Variants in NCALD observed in about 807,000 individuals in gnomAD.
The protein encoded by NCALD is neurocalcin-delta.
A neutral mutation model predicts 18.6 loss-of-function variants in NCALD; 10 were observed. That is an observed-to-expected ratio of 0.54 (90% confidence interval 0.33 to 0.91). The LOEUF is 0.91. NCALD is among the 40% of genes least tolerant of loss of function. The pLI is 0.03. For synonymous variants in NCALD, 88 were observed against 87.4 expected (o/e 1.01, Z -0.04); for missense variants, 184 against 247.6 (o/e 0.74, Z 1.72).
rs546329806 is a variant in NCALD, at chr8:101,950,651, C to T, written c.-156-34793G>A. 2.0e-5 allele frequency among the ~76,000 whole-genome samples: 3 copies of T among 152,306 alleles called. No homozygotes were observed. The South Asian group carries it at 6.2e-4, about 32-fold the overall frequency. On this transcript the variant is annotated intron_variant, in intron 2 of 6. Transcript: ENST00000311028. ...TGTGGGCAGAGTACAGTGAACAAAG[C>T]CTGAGCTTGGGCTATAAAAGACATT...
intron 4 of NCALD, among the ~76,000 whole-genome samples, chr8:101,879,803 C>T (rs1467743870): frequency 2.0e-5 from 3 of 152,174 alleles, no homozygotes; most frequent in Non-Finnish European, 4.4e-5. Context: ...CTGATTGGTG[C>T]ATTCACAAAC....
intron 3 of NCALD, among the ~76,000 whole-genome samples, chr8:101,690,106 C>T (rs1385391473): frequency 6.6e-6 from 1 of 151,946 alleles, no homozygotes; most frequent in Non-Finnish European, 1.5e-5. Flanking sequence ...GCAGCCTGGG[C>T]TCCCACTCCG....
At chr8:101,946,630 C>T (rs1210850402) in intron 2 of NCALD, among the ~76,000 whole-genome samples, 1 of 151,886 alleles carries the variant, frequency 6.6e-6, no homozygotes, top group Non-Finnish European at 1.5e-5. Context: ...CAAGAACAAA[C>T]ATCAAATTTA....
At chr8:101,738,922 T>A (rs1173261701) in intron 1 of NCALD, among the ~76,000 whole-genome samples, 1 of 152,166 alleles carries the variant, frequency 6.6e-6, no homozygotes, top group Non-Finnish European at 1.5e-5. Context: ...TGACTCTATG[T>A]CCTTCTATTT....
At chr8:101,701,363 C>T (rs1815258007) in intron 2 of NCALD, among the ~76,000 whole-genome samples, 1 of 152,122 alleles carries the variant, frequency 6.6e-6, no homozygotes, top group Non-Finnish European at 1.5e-5. Context: ...TTAGCAATGT[C>T]AATGAGAGGT....
At chr8:101,985,298 T>A (rs1025382112) in intron 2 of NCALD, among the ~76,000 whole-genome samples, 1 of 151,866 alleles carries the variant, frequency 6.6e-6, no homozygotes, top group African/African-American at 2.4e-5. Flanking sequence ...CAGCCTCCAC[T>A]CGACCCACCC....
intron 4 of NCALD, among the ~76,000 whole-genome samples, chr8:101,853,683 G>C (rs151122501): frequency 1.3e-5 from 2 of 152,278 alleles, no homozygotes; most frequent in South Asian, 4.2e-4. Flanking sequence ...AGGCCGGGGT[G>C]GGGGAGTCCA....
chr8:102,042,489 T>C (rs118181472), intron 1 of NCALD, among the ~76,000 whole-genome samples: 1 of 151,882 alleles, frequency 6.6e-6, no homozygotes, highest in Non-Finnish European at 1.5e-5. Context: ...GCTTCTGACA[T>C]GAGCTCAAGG....
At position 101,689,197 on chromosome 8, in the gene NCALD, A is replaced by G. The variant is rs1814594934; in HGVS notation, c.*112T>C. The G allele has an allele frequency of 2.0e-6, 2 of 976,322 alleles. No individual in the cohort carries two copies. The highest frequency in any genetic ancestry group is 1.6e-6 in the Non-Finnish European group (1 of 630,140). The allele number at this position is 976,322 out of a possible 1,614,324, so 60.5% of individuals were successfully genotyped here. A position where few individuals can be genotyped will look rare whatever the true frequency, so the allele number is the denominator to read the frequency against. On this transcript the variant is annotated 3_prime_UTR_variant, in exon 4 of 4. Transcript: ENST00000220931. The surrounding 1 kb of genome is among the most constrained non-coding windows in gnomAD (Gnocchi z 4.4). ...CGGAGGAAGGCGCATCAGACCGCAC[A>G]GGGGACGGCATCACCATTGATATTG...
In NCALD at chr8:101,687,559, A is replaced by T. The variant is rs1447852450; in HGVS notation, c.*1750T>A. On this transcript the variant is annotated 3_prime_UTR_variant, in exon 4 of 4. Transcript: ENST00000220931. ...GGATTTCTGCTGCCAATTACAGCAG[A>T]CTCAAGTCATATATAAAAACCTGGA... The T allele has an allele frequency of 6.6e-6, 1 of 152,380 alleles. No individual in the cohort carries two copies. The highest frequency in any genetic ancestry group is 2.4e-5 in the African/African-American group (1 of 41,406). 9.4% of individuals were successfully genotyped at this position (152,380 alleles called of 1,614,324 possible). A position where few individuals can be genotyped will look rare whatever the true frequency, so the allele number is the denominator to read the frequency against.
intron 2 of NCALD, among the ~76,000 whole-genome samples, chr8:101,716,333 A>G (rs2130398195): frequency 6.6e-6 from 1 of 152,006 alleles, no homozygotes; most frequent in South Asian, 2.1e-4. Flanking sequence ...GTGGTGGGCA[A>G]GGGGAGGGAT....
At chr8:102,002,104 C>T (rs1821496980) in intron 2 of NCALD, among the ~76,000 whole-genome samples, 1 of 152,058 alleles carries the variant, frequency 6.6e-6, no homozygotes, top group Admixed American at 6.6e-5. Context: ...GAGTCAAGAC[C>T]CATCAGTGTG....
chr8:101,843,579 A>ATTTTTTTTTT (rs1554644288), intron 4 of NCALD, among the ~76,000 whole-genome samples: 89 of 101,116 alleles, frequency 8.8e-4, no homozygotes, highest in African/African-American at 1.7e-3. Flanking sequence ...ATCTTTAAAA[A>ATTTTTTTTTT]TTGTTTTTTT....
chr8:101,904,767 A>G (rs779961900), intron 3 of NCALD, among the ~76,000 whole-genome samples: 2 of 152,150 alleles, frequency 1.3e-5, no homozygotes, highest in Non-Finnish European at 2.9e-5. Context: ...GCTTCCTGCA[A>G]GGTGCCTACT....
At chr8:101,851,902 G>A (rs1043220179) in intron 4 of NCALD, among the ~76,000 whole-genome samples, 3 of 152,124 alleles carry the variant, frequency 2.0e-5, no homozygotes, top group African/African-American at 4.8e-5. Context: ...TTTTCGAGAG[G>A]TGATTAAGTC....
intron 2 of NCALD, among the ~76,000 whole-genome samples, chr8:101,964,363 T>G (rs1819945989): frequency 6.6e-6 from 1 of 152,206 alleles, no homozygotes; most frequent in South Asian, 2.1e-4. Flanking sequence ...ACCCTCTGAT[T>G]TCATTGGTGT....
intron 4 of NCALD, among the ~76,000 whole-genome samples, chr8:101,847,846 T>A (rs76584661): frequency 0.014 from 2,126 of 151,370 alleles, 25 homozygotes; most frequent in Non-Finnish European, 0.018. Flanking sequence ...GGGAAGAGAG[T>A]GTGGAGTTGA....
intron 1 of NCALD, among the ~76,000 whole-genome samples, chr8:102,067,276 T>A (rs1025018669): frequency 1.3e-5 from 2 of 152,180 alleles, no homozygotes; most frequent in Non-Finnish European, 2.9e-5. Context: ...GGGAAACATG[T>A]GAAGCCATTT....
At chr8:101,712,119 A>G (rs1815825056) in intron 2 of NCALD, among the ~76,000 whole-genome samples, 2 of 152,232 alleles carry the variant, frequency 1.3e-5, no homozygotes, top group South Asian at 4.1e-4. Flanking sequence ...CAACATTTTT[A>G]AAGAAAAGAA....
Sources: gnomAD v4.1 joint callset for allele counts (sites outside exome capture counted in the v4.1 genomes callset) on GRCh38, gnomAD v4.1.1 for gene constraint, Gnocchi (gnomAD v3.1) non-coding constraint, MANE v1.5 for transcripts, NCBI Gene and HGNC (gene_info 2026-07-23, HGNC 2026-07-21) for gene names.